Variants in PPARGC1A observed in about 807,000 individuals in gnomAD.
The protein encoded by PPARGC1A is PPARG coactivator 1 alpha.
A neutral mutation model predicts 88.7 loss-of-function variants in PPARGC1A; 25 were observed. The observed-to-expected ratio is 0.28, with a 90% CI of 0.21 to 0.39. PPARGC1A has a LOEUF of 0.39. Ranked by LOEUF, PPARGC1A falls within the 10% of genes least tolerant of loss-of-function variation. PPARGC1A has a pLI of 1.00. For missense variants in PPARGC1A, 880 were observed against 968.7 expected, an observed-to-expected ratio of 0.91 and a Z score of 1.22; for synonymous variants, 363 against 355.6, an observed-to-expected ratio of 1.02 and a Z score of -0.24.
chr4:24,384,511 G>A, the PPARGC1A span, among the ~76,000 whole-genome samples: 1 of 148,854 alleles, frequency 6.7e-6, no homozygotes, highest in Non-Finnish European at 1.5e-5. Flanking sequence ...GACACACATA[G>A]GCTCAAAATA....
At chr4:24,125,353 A>T in the PPARGC1A span, among the ~76,000 whole-genome samples, 1 of 152,060 alleles carries the variant, frequency 6.6e-6, no homozygotes, top group African/African-American at 2.4e-5. Context: ...CTCTCTCCCC[A>T]TCTGCTTCTT....
At chr4:23,974,308 G>C in the PPARGC1A span, among the ~76,000 whole-genome samples, 2 of 152,092 alleles carry the variant, frequency 1.3e-5, no homozygotes. Context: ...ATACCAATAA[G>C]AGTAACAATA....
the PPARGC1A span, among the ~76,000 whole-genome samples, chr4:24,126,505 T>C: frequency 6.6e-6 from 1 of 152,132 alleles, no homozygotes; most frequent in Non-Finnish European, 1.5e-5. Context: ...CAGGATGAGA[T>C]AGGTGCTTTT....
chr4:24,110,603 G>A, the PPARGC1A span, among the ~76,000 whole-genome samples: 3 of 152,074 alleles, frequency 2.0e-5, no homozygotes. Flanking sequence ...AAAACAATGA[G>A]GTCCTTTTCA....
the PPARGC1A span, among the ~76,000 whole-genome samples, chr4:24,074,764 T>C: frequency 3.0e-3 from 459 of 152,162 alleles, 2 homozygotes; most frequent in African/African-American, 0.01. Context: ...TTTGGGTGCT[T>C]TGGCCCTTAA....
chr4:24,471,624 C>G, the PPARGC1A span, among the ~76,000 whole-genome samples: 1 of 152,216 alleles, frequency 6.6e-6, no homozygotes, highest in Admixed American at 6.5e-5. This position sits in a 1 kb window ranked among gnomAD's most constrained non-coding sequence, Gnocchi z 5.4. Flanking sequence ...TTCCACGCCC[C>G]CCTTCCGGCG....
At chr4:24,436,992 G>A in the PPARGC1A span, among the ~76,000 whole-genome samples, 13 of 152,354 alleles carry the variant, frequency 8.5e-5, no homozygotes, top group Middle Eastern at 3.4e-3. Flanking sequence ...AGCTGAGCAG[G>A]GGGAACACAT....
the PPARGC1A span, among the ~76,000 whole-genome samples, chr4:24,029,307 C>A: frequency 6.6e-6 from 1 of 152,202 alleles, no homozygotes; most frequent in African/African-American, 2.4e-5. Flanking sequence ...TGGTGGAAAA[C>A]AATTCAATGC....
the PPARGC1A span, among the ~76,000 whole-genome samples, chr4:23,937,231 G>A: frequency 6.6e-6 from 1 of 151,800 alleles, no homozygotes; most frequent in Non-Finnish European, 1.5e-5. Flanking sequence ...TTTCATGGTA[G>A]TTTTACAAGT....
chr4:24,221,665 T>C, the PPARGC1A span, among the ~76,000 whole-genome samples: 208 of 152,302 alleles, frequency 1.4e-3, no homozygotes, highest in African/African-American at 4.4e-3. Context: ...CTTAGCACTT[T>C]GGGAGGCCGA....
At chr4:24,025,547 A>G in the PPARGC1A span, among the ~76,000 whole-genome samples, 1 of 151,958 alleles carries the variant, frequency 6.6e-6, no homozygotes, top group Non-Finnish European at 1.5e-5. Flanking sequence ...TCTCTTATTT[A>G]ACTGACTTTG....
At chr4:24,455,555 T>C in the PPARGC1A span, among the ~76,000 whole-genome samples, 1,714 of 152,372 alleles carry the variant, frequency 0.011, 34 homozygotes, top group South Asian at 0.041. Flanking sequence ...GTATAACTAC[T>C]ATGGTTTGAA....
the PPARGC1A span, among the ~76,000 whole-genome samples, chr4:24,327,361 C>A: frequency 6.6e-6 from 1 of 152,174 alleles, no homozygotes; most frequent in Non-Finnish European, 1.5e-5. Flanking sequence ...TTTCTCCAAG[C>A]CTTCACAGCT....
chr4:24,372,453 C>A, the PPARGC1A span, among the ~76,000 whole-genome samples: 1 of 152,182 alleles, frequency 6.6e-6, no homozygotes, highest in African/African-American at 2.4e-5. Flanking sequence ...CTTAAATCAA[C>A]TCTAAGCTTC....
the PPARGC1A span, among the ~76,000 whole-genome samples, chr4:24,120,606 C>T: frequency 2.6e-5 from 4 of 152,186 alleles, no homozygotes; most frequent in South Asian, 6.2e-4. Context: ...ATGTTTGTGT[C>T]CCCCAAAATT....
chr4:23,973,788 C>T, the PPARGC1A span, among the ~76,000 whole-genome samples: 2 of 151,904 alleles, frequency 1.3e-5, no homozygotes, highest in African/African-American at 4.8e-5. Flanking sequence ...AAACACAGAA[C>T]ATCATTGGTA....
the PPARGC1A span, among the ~76,000 whole-genome samples, chr4:24,145,614 T>G: frequency 6.6e-6 from 1 of 152,204 alleles, no homozygotes; most frequent in Non-Finnish European, 1.5e-5. Context: ...GTAATCCCAT[T>G]TGTAGGAGAG....
chr4:24,327,190 G>A, the PPARGC1A span, among the ~76,000 whole-genome samples: 1 of 152,148 alleles, frequency 6.6e-6, no homozygotes, highest in Non-Finnish European at 1.5e-5. Flanking sequence ...TTGAGCTCCT[G>A]TATAGACGCT....
the PPARGC1A span, among the ~76,000 whole-genome samples, chr4:24,331,735 T>C: frequency 1.3e-5 from 2 of 149,430 alleles, no homozygotes; most frequent in East Asian, 2.0e-4. Flanking sequence ...AGAAAGACTA[T>C]ACTTGCCTCT....
Sources: gnomAD v4.1 joint callset for allele counts (sites outside exome capture counted in the v4.1 genomes callset) on GRCh38, gnomAD v4.1.1 for gene constraint, Gnocchi (gnomAD v3.1) non-coding constraint, MANE v1.5 for transcripts, NCBI Gene and HGNC (gene_info 2026-07-23, HGNC 2026-07-21) for gene names.